Variants in MACROD2 observed in about 807,000 individuals in gnomAD.
MACROD2 encodes ADP-ribose glycohydrolase MACROD2.
In MACROD2, 36 loss-of-function variants were observed where a neutral mutation model predicts 70.4. The ratio of observed to expected loss-of-function variants is 0.51; its 90% CI spans 0.39 to 0.68. The LOEUF is 0.68. MACROD2 is among the 30% of genes least tolerant of loss of function. The pLI is 0.00. For synonymous variants in MACROD2, 172 were observed against 178.8 expected (o/e 0.96, Z 0.30); for missense variants, 496 against 538.4 (o/e 0.92, Z 0.78).
chr20:15,954,850 CAT>C (rs1374308256), intron 12 of MACROD2, among the ~76,000 whole-genome samples: 1 of 152,154 alleles, frequency 6.6e-6, no homozygotes, highest in Non-Finnish European at 1.5e-5. Flanking sequence ...AAGAACTGCA[CAT>C]GTTTTCATGC....
intron 8 of MACROD2, among the ~76,000 whole-genome samples, chr20:15,768,111 G>T (rs61135902): frequency 0.02 from 3,007 of 151,210 alleles, 76 homozygotes; most frequent in African/African-American, 0.057. Flanking sequence ...AGAAAATGAG[G>T]CTGTGTGTGT....
intron 5 of MACROD2, among the ~76,000 whole-genome samples, chr20:15,201,033 GA>G (rs1412504465): frequency 2.0e-5 from 3 of 151,860 alleles, no homozygotes; most frequent in Non-Finnish European, 2.9e-5. Flanking sequence ...CCAAGATTTC[GA>G]ATTCCCAACC....
chr20:15,973,218 G>A (rs2066257059), intron 13 of MACROD2, among the ~76,000 whole-genome samples: 1 of 151,926 alleles, frequency 6.6e-6, no homozygotes, highest in Non-Finnish European at 1.5e-5. Context: ...CTATATATTT[G>A]TCGCAATTTT....
intron 15 of MACROD2, among the ~76,000 whole-genome samples, chr20:15,995,353 T>C (rs1000655982): frequency 1.3e-5 from 2 of 151,278 alleles, no homozygotes; most frequent in Non-Finnish European, 2.9e-5. Context: ...TATTTTATTA[T>C]TATTATTTTT....
At chr20:14,139,160 C>T (rs2054837751) in intron 3 of MACROD2, among the ~76,000 whole-genome samples, 1 of 152,030 alleles carries the variant, frequency 6.6e-6, no homozygotes, top group Non-Finnish European at 1.5e-5. Flanking sequence ...TATTATGTTA[C>T]CTCTTTATCA....
chr20:15,775,094 C>A (rs73614457), intron 8 of MACROD2, among the ~76,000 whole-genome samples: 1 of 151,920 alleles, frequency 6.6e-6, no homozygotes, highest in Non-Finnish European at 1.5e-5. Flanking sequence ...GAGGGAGGGG[C>A]AAAGGGAACA....
At chr20:14,664,318 C>T (rs183592397) in intron 4 of MACROD2, among the ~76,000 whole-genome samples, 6 of 152,158 alleles carry the variant, frequency 3.9e-5, no homozygotes, top group Middle Eastern at 3.4e-3. Context: ...ACCCACGTTT[C>T]GGTAAGCCCT....
At chr20:14,923,754 C>T (rs1169478973) in intron 5 of MACROD2, among the ~76,000 whole-genome samples, 1 of 132,516 alleles carries the variant, frequency 7.5e-6, no homozygotes, top group Non-Finnish European at 1.5e-5. Context: ...AATTATAGGC[C>T]TTGTGCCTCA....
intron 7 of MACROD2, among the ~76,000 whole-genome samples, chr20:15,490,811 A>G (rs956270462): frequency 1.3e-5 from 2 of 152,206 alleles, no homozygotes; most frequent in African/African-American, 2.4e-5. Flanking sequence ...ACATATGGCT[A>G]CTTGAGCTAA....
At chr20:14,108,022 A>T (rs892777253) in intron 3 of MACROD2, among the ~76,000 whole-genome samples, 1 of 152,142 alleles carries the variant, frequency 6.6e-6, no homozygotes, top group African/African-American at 2.4e-5. Context: ...AAGTACAAAG[A>T]CTAAATTAAC....
intron 8 of MACROD2, among the ~76,000 whole-genome samples, chr20:15,623,246 C>T (rs1314325645): frequency 2.0e-5 from 3 of 152,122 alleles, no homozygotes; most frequent in Non-Finnish European, 2.9e-5. Context: ...AAACTATATA[C>T]AAAAGCCAGA....
At chr20:14,105,285 A>G (rs2054354356) in intron 3 of MACROD2, among the ~76,000 whole-genome samples, 1 of 152,180 alleles carries the variant, frequency 6.6e-6, no homozygotes. Flanking sequence ...CACCAATGCC[A>G]CCTCAGCCCC....
At chr20:14,250,231 G>C (rs1339376741) in intron 3 of MACROD2, among the ~76,000 whole-genome samples, 1 of 151,926 alleles carries the variant, frequency 6.6e-6, no homozygotes, top group Admixed American at 6.6e-5. Context: ...AGGATGTACT[G>C]TCCCACCTTT....
chr20:15,988,704 G>A (rs2066518927), intron 15 of MACROD2, among the ~76,000 whole-genome samples: 1 of 152,142 alleles, frequency 6.6e-6, no homozygotes, highest in Admixed American at 6.5e-5. Flanking sequence ...CTTGCTTTTA[G>A]CAACGATGAG....
intron 3 of MACROD2, among the ~76,000 whole-genome samples, chr20:14,448,872 A>T (rs1355095285): frequency 1.3e-5 from 2 of 152,124 alleles, no homozygotes; most frequent in African/African-American, 4.8e-5. Flanking sequence ...TAATATTTGA[A>T]TGTATTAATT....
chr20:14,458,897 C>T (rs2084334713), intron 3 of MACROD2, among the ~76,000 whole-genome samples: 1 of 152,030 alleles, frequency 6.6e-6, no homozygotes, highest in Admixed American at 6.5e-5. Context: ...TTTTGTTTTA[C>T]TGTATGTTCT....
chr20:15,964,360 C>T (rs1056601431), intron 12 of MACROD2, among the ~76,000 whole-genome samples: 3 of 152,104 alleles, frequency 2.0e-5, no homozygotes, highest in Non-Finnish European at 4.4e-5. Context: ...CTGGTGAGAA[C>T]TCACTTTCTG....
chr20:15,467,951 G>A (rs965257221), intron 7 of MACROD2, among the ~76,000 whole-genome samples: 2 of 152,132 alleles, frequency 1.3e-5, no homozygotes, highest in Non-Finnish European at 2.9e-5. Flanking sequence ...GTCTAGAAAG[G>A]GCAATCTGAT....
At chr20:14,248,024 T>C (rs2081981459) in intron 3 of MACROD2, among the ~76,000 whole-genome samples, 1 of 152,238 alleles carries the variant, frequency 6.6e-6, no homozygotes, top group Non-Finnish European at 1.5e-5. Context: ...TATAGGTATC[T>C]GGTGATGCAA....
Sources: gnomAD v4.1 joint callset for allele counts (sites outside exome capture counted in the v4.1 genomes callset) on GRCh38, gnomAD v4.1.1 for gene constraint, MANE v1.5 for transcripts, NCBI Gene and HGNC (gene_info 2026-07-23, HGNC 2026-07-21) for gene names.